Variants in RBMS3 observed in about 807,000 individuals in gnomAD.
RBMS3 encodes RNA binding motif single stranded interacting protein 3.
In RBMS3, 27 loss-of-function variants were observed where a neutral mutation model predicts 66.8. The observed-to-expected ratio is 0.40, with a 90% confidence interval of 0.30 to 0.56. RBMS3 has a LOEUF of 0.56. Ranked by LOEUF, RBMS3 falls within the 20% of genes least tolerant of loss-of-function variation. RBMS3 has a pLI of 0.40. For missense variants in RBMS3, 513 were observed against 549.5 expected (o/e 0.93, Z 0.66); for synonymous variants, 188 against 183.0 (o/e 1.03, Z -0.22).
chr3:29,620,132 T>C (rs1165740109), intron 4 of RBMS3, among the ~76,000 whole-genome samples: 1 of 152,048 alleles, frequency 6.6e-6, no homozygotes, highest in African/African-American at 2.4e-5. Flanking sequence ...AAATGGAAAA[T>C]TTTGGAGATA....
intron 14 of RBMS3, among the ~76,000 whole-genome samples, chr3:29,999,484 T>C (rs1002067720): frequency 5.9e-5 from 9 of 152,186 alleles, no homozygotes; most frequent in African/African-American, 1.9e-4. Context: ...AGCGGCACTA[T>C]TCACAATAGC....
chr3:29,814,881 GA>G (rs1460669558), intron 6 of RBMS3, among the ~76,000 whole-genome samples: 2 of 152,150 alleles, frequency 1.3e-5, no homozygotes, highest in African/African-American at 4.8e-5. Context: ...GCTAATTTAG[GA>G]AGACAGATAT....
chr3:29,357,918 T>G (rs1559513449), intron 1 of RBMS3, among the ~76,000 whole-genome samples: 2 of 152,156 alleles, frequency 1.3e-5, no homozygotes, highest in Non-Finnish European at 2.9e-5. Context: ...TCTTGTAAAT[T>G]TGTTTGAGTT....
intron 4 of RBMS3, among the ~76,000 whole-genome samples, chr3:29,590,544 A>G (rs2047692325): frequency 6.6e-6 from 1 of 152,066 alleles, no homozygotes; most frequent in Non-Finnish European, 1.5e-5. Flanking sequence ...CAGGGTACTG[A>G]ATATTGGAGA....
intron 6 of RBMS3, among the ~76,000 whole-genome samples, chr3:29,767,764 A>G (rs2055999083): frequency 6.6e-6 from 1 of 151,994 alleles, no homozygotes; most frequent in South Asian, 2.1e-4. Flanking sequence ...TCGACAACAT[A>G]TTTAAATGCA....
intron 4 of RBMS3, among the ~76,000 whole-genome samples, chr3:29,718,141 A>G (rs2053485194): frequency 6.6e-6 from 1 of 152,114 alleles, no homozygotes; most frequent in Non-Finnish European, 1.5e-5. Flanking sequence ...GTTTATGAAA[A>G]TATAAATCAA....
chr3:29,946,459 C>T (rs76459156), intron 12 of RBMS3, among the ~76,000 whole-genome samples: 1,667 of 151,740 alleles, frequency 0.011, 35 homozygotes, highest in African/African-American at 0.038. Flanking sequence ...TATTGAACAA[C>T]TTCTGAGTGG....
At chr3:29,671,714 G>T (rs539898340) in intron 4 of RBMS3, among the ~76,000 whole-genome samples, 1 of 152,208 alleles carries the variant, frequency 6.6e-6, no homozygotes, top group South Asian at 2.1e-4. Context: ...GAAATGAAGC[G>T]AGAAGAGAAG....
intron 4 of RBMS3, among the ~76,000 whole-genome samples, chr3:29,673,753 C>T (rs2051108487): frequency 6.6e-6 from 1 of 152,046 alleles, no homozygotes; most frequent in Admixed American, 6.5e-5. Flanking sequence ...GAAATTGAGG[C>T]AATAGTTAAT....
At chr3:29,583,898 GACAC>G (rs145032982) in intron 3 of RBMS3, among the ~76,000 whole-genome samples, 1 of 150,870 alleles carries the variant, frequency 6.6e-6, no homozygotes, top group African/African-American at 2.4e-5. Context: ...GTGGGAAATA[GACAC>G]ACACACACAC....
chr3:29,511,081 T>G (rs9816452), intron 3 of RBMS3, among the ~76,000 whole-genome samples: 25,852 of 152,078 alleles, frequency 0.17, 2,793 homozygotes, highest in East Asian at 0.46. Flanking sequence ...GGTGGATCAC[T>G]AGGTGAGGAG....
intron 6 of RBMS3, among the ~76,000 whole-genome samples, chr3:29,788,480 C>T (rs2056899805): frequency 6.6e-6 from 1 of 152,086 alleles, no homozygotes; most frequent in South Asian, 2.1e-4. Context: ...CTGCCTCAGC[C>T]TCCCAAAGTG....
intron 7 of RBMS3, among the ~76,000 whole-genome samples, chr3:29,878,356 T>C (rs1406932493): frequency 6.6e-6 from 1 of 152,120 alleles, no homozygotes. Context: ...ATCTTAGTTA[T>C]ATACACTTTT....
chr3:29,919,500 A>G (rs903169994), intron 10 of RBMS3, among the ~76,000 whole-genome samples: 2 of 152,202 alleles, frequency 1.3e-5, no homozygotes, highest in Admixed American at 1.3e-4. Flanking sequence ...CTTCATGTGA[A>G]CTTTGTGAAG....
intron 14 of RBMS3, among the ~76,000 whole-genome samples, chr3:30,003,194 GAAGGGGCA>G (rs1191833322): frequency 6.6e-6 from 1 of 152,012 alleles, no homozygotes; most frequent in Non-Finnish European, 1.5e-5. Flanking sequence ...TTGCAACATA[GAAGGGGCA>G]GTAGCAGAAG....
chr3:29,366,918 T>TCCTGA (rs1343844745), intron 1 of RBMS3, among the ~76,000 whole-genome samples: 1 of 152,148 alleles, frequency 6.6e-6, no homozygotes, highest in Non-Finnish European at 1.5e-5. Context: ...AGCATTTTGG[T>TCCTGA]CCTTGATCAA....
intron 4 of RBMS3, chr3:29,616,961 A>C (rs2048695146): frequency 6.6e-6 from 1 of 152,208 alleles, no homozygotes; most frequent in Non-Finnish European, 1.5e-5. Flanking sequence ...AGTTTCTAAA[A>C]ATATGAGTCA....
intron 1 of RBMS3, among the ~76,000 whole-genome samples, chr3:29,348,127 T>C (rs570508445): frequency 6.6e-6 from 1 of 152,272 alleles, no homozygotes; most frequent in South Asian, 2.1e-4. Context: ...AAACAACACA[T>C]GAGTTTTCCG....
intron 1 of RBMS3, among the ~76,000 whole-genome samples, chr3:29,399,546 G>T (rs1442006296): frequency 4.6e-5 from 7 of 152,148 alleles, no homozygotes; most frequent in Non-Finnish European, 1.0e-4. Context: ...ATGGCACTTC[G>T]GCTTTGGCCT....
Sources: allele counts gnomAD v4.1 joint callset (sites outside exome capture counted in the v4.1 genomes callset), GRCh38; gene constraint gnomAD v4.1.1; transcripts MANE v1.5; gene names NCBI Gene and HGNC (gene_info 2026-07-23, HGNC 2026-07-21).